Variants in IMMP2L observed in about 807,000 individuals in gnomAD.
The protein encoded by IMMP2L is inner mitochondrial membrane peptidase subunit 2.
Under a neutral mutation model 19.3 loss-of-function variants are expected in IMMP2L, and 18 were observed. The ratio of observed to expected loss-of-function variants is 0.93; its 90% CI spans 0.64 to 1.38. The LOEUF (loss-of-function observed/expected upper bound fraction) is 1.38, where lower values mean the gene tolerates loss of function less well. IMMP2L is among the 40% of genes most tolerant of loss of function. The pLI, the probability that IMMP2L is intolerant of heterozygous loss-of-function variation, is 0.00. For missense variants in IMMP2L, 233 were observed against 218.2 expected (o/e 1.07, Z -0.43); for synonymous variants, 76 against 73.0 (o/e 1.04, Z -0.21).
At chr7:111,171,382 G>A (rs1420834354) in intron 3 of IMMP2L, among the ~76,000 whole-genome samples, 1 of 151,576 alleles carries the variant, frequency 6.6e-6, no homozygotes, top group African/African-American at 2.4e-5. Flanking sequence ...GACCACAAGG[G>A]AAATAATATT....
At chr7:110,888,281 C>T (rs1810440210) in intron 4 of IMMP2L, among the ~76,000 whole-genome samples, 1 of 152,172 alleles carries the variant, frequency 6.6e-6, no homozygotes, top group Admixed American at 6.5e-5. Context: ...TTCCTGACAT[C>T]ACTACAGCTT....
chr7:110,663,576 CCAG>C lies in IMMP2L; in HGVS notation c.*23_*25del. The C allele has an allele frequency of 6.2e-7, 1 of 1,611,766 alleles. No individual in the cohort carries two copies. Among genetic ancestry groups the C allele is most frequent in the Non-Finnish European group, 8.5e-7 (1 of 1,178,514 alleles). ...CTTTCCAGTAACTGGCCTCCCAATG[CCAG>C]CAACTCAGGTAGATTCATGCAGTCA... On this transcript the variant is annotated 3_prime_UTR_variant, in exon 6 of 6. Coordinates refer to ENST00000405709, the MANE Select transcript of IMMP2L (RefSeq NM_032549.4).
chr7:111,430,224 A>G (rs1271074942), intron 3 of IMMP2L, among the ~76,000 whole-genome samples: 1 of 151,898 alleles, frequency 6.6e-6, no homozygotes, highest in Non-Finnish European at 1.5e-5. Context: ...AAAATTAATA[A>G]CAAAGTAAAG....
At chr7:110,769,517 C>T (rs745529866) in intron 5 of IMMP2L, among the ~76,000 whole-genome samples, 10 of 152,174 alleles carry the variant, frequency 6.6e-5, no homozygotes, top group Non-Finnish European at 8.8e-5. Flanking sequence ...CTAGATAATA[C>T]GCAGAGAAGA....
intron 2 of IMMP2L, among the ~76,000 whole-genome samples, chr7:111,490,662 C>T (rs117382519): frequency 5.6e-4 from 85 of 152,142 alleles, no homozygotes; most frequent in Non-Finnish European, 1.0e-3. Context: ...AGAAATGATT[C>T]CATTTCTTTC....
At chr7:111,418,045 G>A (rs1361864852) in intron 3 of IMMP2L, among the ~76,000 whole-genome samples, 6 of 151,820 alleles carry the variant, frequency 4.0e-5, no homozygotes, top group Non-Finnish European at 8.8e-5. Flanking sequence ...TAAAGTCATT[G>A]TCATCTGAGA....
chr7:110,871,754 C>A (rs1400721524), intron 5 of IMMP2L, among the ~76,000 whole-genome samples: 6 of 152,042 alleles, frequency 3.9e-5, no homozygotes, highest in African/African-American at 9.7e-5. Flanking sequence ...CTAAGATAAA[C>A]TACAGTGAGA....
chr7:111,414,544 A>G lies in IMMP2L; in HGVS notation c.239+72694T>C, dbSNP rs1191521891. On this transcript the variant is annotated intron_variant, in intron 3 of 5. Coordinates refer to ENST00000405709, the MANE Select transcript of IMMP2L (RefSeq NM_032549.4). ...AAGATAGAGATGAATAGGTAGGAGC[A>G]TGGGATTTTTAGGGAAGTGAAACTA... is the stretch of plus-strand genomic sequence containing the variant. 2.0e-5 allele frequency among the ~76,000 whole-genome samples: 3 copies of G among 151,924 alleles called. No individual in the cohort carries two copies. The East Asian group carries it at 5.8e-4, about 29-fold the overall frequency.
chr7:111,183,036 T>C lies in IMMP2L; in HGVS notation c.240-219471A>G, dbSNP rs548393308. ...TTTTAAAGTTTAAGTATTATTTATA[T>C]AAAGTGGTTAAGACATATTAACTAT... On this transcript the variant is annotated intron_variant, in intron 3 of 5. Transcript: ENST00000405709. Among the ~76,000 whole-genome samples the C allele has an allele frequency of 2.0e-5, 3 of 152,188 alleles. 1 individual carries two copies. The highest frequency in any genetic ancestry group is 1.3e-4 in the Admixed American group (2 of 15,248).
At chr7:111,496,966 G>A (rs1031240268) in intron 2 of IMMP2L, among the ~76,000 whole-genome samples, 12 of 151,898 alleles carry the variant, frequency 7.9e-5, no homozygotes, top group East Asian at 3.9e-4. Context: ...CTGTCTCTCC[G>A]GTGAGATCTA....
intron 4 of IMMP2L, among the ~76,000 whole-genome samples, chr7:110,907,059 G>C (rs796435132): frequency 6.6e-6 from 1 of 152,094 alleles, no homozygotes; most frequent in Non-Finnish European, 1.5e-5. Flanking sequence ...GGCAGTGGGG[G>C]GGATGGGGGT....
chr7:110,834,108 C>T (rs981728815), intron 5 of IMMP2L, among the ~76,000 whole-genome samples: 6 of 152,090 alleles, frequency 3.9e-5, no homozygotes, highest in African/African-American at 1.4e-4. Flanking sequence ...ATTGGTTGTT[C>T]TAAGTTTATT....
intron 5 of IMMP2L, among the ~76,000 whole-genome samples, chr7:110,739,350 T>TA (rs1311284393): frequency 2.0e-5 from 3 of 152,060 alleles, no homozygotes; most frequent in Admixed American, 2.0e-4. Context: ...CACATAAACT[T>TA]AAGGTAAAGG....
intron 2 of IMMP2L, among the ~76,000 whole-genome samples, chr7:111,499,428 T>C (rs936880763): frequency 2.0e-5 from 3 of 152,082 alleles, no homozygotes; most frequent in African/African-American, 7.2e-5. Context: ...TCCTCAGATG[T>C]TTGCAATAGG....
chr7:111,181,522 A>C (rs1209867992), intron 3 of IMMP2L, among the ~76,000 whole-genome samples: 1 of 152,006 alleles, frequency 6.6e-6, no homozygotes, highest in Non-Finnish European at 1.5e-5. Flanking sequence ...TTGATGGAGA[A>C]GCTCTGGCCC....
At chr7:111,223,967 T>C (rs114051837) in intron 3 of IMMP2L, among the ~76,000 whole-genome samples, 2,220 of 152,202 alleles carry the variant, frequency 0.015, 54 homozygotes, top group African/African-American at 0.051. Context: ...GGAAAAAATA[T>C]GGAATGCCTT....
chr7:110,685,053 A>T (rs1285588145), intron 5 of IMMP2L, among the ~76,000 whole-genome samples: 1 of 152,010 alleles, frequency 6.6e-6, no homozygotes, highest in African/African-American at 2.4e-5. Flanking sequence ...ATTTTCATTA[A>T]GGGTTGGGGG....
At chr7:111,188,963 A>G (rs1458519272) in intron 3 of IMMP2L, among the ~76,000 whole-genome samples, 14 of 152,118 alleles carry the variant, frequency 9.2e-5, no homozygotes. Flanking sequence ...GATATGGCTA[A>G]TAAAAAAGTT....
chr7:111,403,530 T>C (rs1351355205), intron 3 of IMMP2L, among the ~76,000 whole-genome samples: 2 of 152,066 alleles, frequency 1.3e-5, no homozygotes, highest in African/African-American at 4.8e-5. Context: ...GTTGGTGCAA[T>C]GTACCAGGTT....
Sources: gnomAD v4.1 joint callset for allele counts (sites outside exome capture counted in the v4.1 genomes callset) on GRCh38, gnomAD v4.1.1 for gene constraint, MANE v1.5 for transcripts, NCBI Gene and HGNC (gene_info 2026-07-23, HGNC 2026-07-21) for gene names.